The following LAMA1 variants were observed in gnomAD, a reference collection of about 807,000 sequenced individuals.
The protein encoded by LAMA1 is laminin subunit alpha-1.
In LAMA1, 219 loss-of-function variants were observed where a neutral mutation model predicts 348.7. The observed-to-expected ratio is 0.63, with a 90% CI of 0.56 to 0.70. The LOEUF is 0.70. Ranked by LOEUF, LAMA1 falls within the 30% of genes least tolerant of loss-of-function variation. The pLI, the probability that LAMA1 is intolerant of heterozygous loss-of-function variation, is 0.00. For missense variants in LAMA1, 3,744 were observed against 3,888.0 expected, an observed-to-expected ratio of 0.96 and a Z score of 0.99; for synonymous variants, 1,487 against 1,491.0, an observed-to-expected ratio of 1.00 and a Z score of 0.06.
chr18:6,991,348 C>A (rs867916525), intron 36 of LAMA1, among the ~76,000 whole-genome samples: 96 of 150,278 alleles, frequency 6.4e-4, no homozygotes, highest in Middle Eastern at 6.9e-3. Context: ...TAGGAATCCT[C>A]AAAACACAAA....
At chr18:7,035,732 T>C (rs1199708985) in intron 13 of LAMA1, among the ~76,000 whole-genome samples, 1 of 152,136 alleles carries the variant, frequency 6.6e-6, no homozygotes, top group African/African-American at 2.4e-5. Context: ...TCTTTTTAAA[T>C]GTGAAAAGAT....
At chr18:7,003,462 G>A (rs941924690) in intron 29 of LAMA1, among the ~76,000 whole-genome samples, 2 of 152,074 alleles carry the variant, frequency 1.3e-5, no homozygotes, top group Non-Finnish European at 1.5e-5. Flanking sequence ...ATTTCACTGT[G>A]TTAGCCAGGA....
intron 36 of LAMA1, among the ~76,000 whole-genome samples, chr18:6,989,787 G>A (rs1600376094): frequency 6.6e-6 from 1 of 152,296 alleles, no homozygotes; most frequent in Middle Eastern, 3.4e-3. Flanking sequence ...CACTCTGGAG[G>A]CAGTGCCCCA....
chr18:7,049,910 G>C (rs143189314), intron 4 of LAMA1, among the ~76,000 whole-genome samples: 12 of 152,292 alleles, frequency 7.9e-5, no homozygotes, highest in African/African-American at 2.9e-4. Context: ...TGTGGAACCA[G>C]ACTACAATGT....
intron 16 of LAMA1, among the ~76,000 whole-genome samples, chr18:7,029,298 T>C (rs1257303759): frequency 6.6e-6 from 1 of 152,208 alleles, no homozygotes; most frequent in African/African-American, 2.4e-5. Flanking sequence ...AACAGAGTCT[T>C]AGACCCTTTT....
intron 1 of LAMA1, among the ~76,000 whole-genome samples, chr18:7,100,494 C>G (rs972193119): frequency 1.3e-5 from 2 of 152,126 alleles, no homozygotes; most frequent in African/African-American, 4.8e-5. Flanking sequence ...GAAATGAAAC[C>G]TATATCTAAA....
intron 16 of LAMA1, among the ~76,000 whole-genome samples, chr18:7,030,641 T>C (rs553173740): frequency 6.6e-6 from 1 of 152,310 alleles, no homozygotes; most frequent in African/African-American, 2.4e-5. Context: ...CTAAAATTAT[T>C]TCCAAAACAT....
rs1309719343 is a variant in LAMA1 at position 7,039,776 on chromosome 18, C to T, written c.1422+300G>A. Among the ~76,000 whole-genome samples, 6 of 152,202 alleles carry T rather than the reference C, an allele frequency of 3.9e-5. No individual in the cohort carries two copies. The East Asian group carries it at 7.7e-4, about 20-fold the overall frequency. On this transcript the variant is annotated intron_variant, in intron 10 of 62. Coordinates refer to ENST00000389658, the MANE Select transcript of LAMA1 (RefSeq NM_005559.4). ...TTAAAGAAAGAAAACAGAGATGAGG[C>T]CCACAGAGGAGGTGGGAATATAAAG...
chr18:7,017,857 C>A (rs1043016737), intron 19 of LAMA1, among the ~76,000 whole-genome samples: 1 of 151,868 alleles, frequency 6.6e-6, no homozygotes, highest in Non-Finnish European at 1.5e-5. Context: ...AATATGATAT[C>A]CCAGTTCTAA....
intron 62 of LAMA1, among the ~76,000 whole-genome samples, 197 bp downstream of exon 62, chr18:6,942,983 A>G (rs548429698): frequency 6.6e-6 from 1 of 152,212 alleles, no homozygotes; most frequent in South Asian, 2.1e-4. Context: ...GTCTTACCCA[A>G]TGATTAACTT....
At position 7,018,181 on chromosome 18, in the gene LAMA1, CA is replaced by C. The variant is rs546531758; in HGVS notation, c.2702-798del. 6.2e-3 allele frequency among the ~76,000 whole-genome samples: 944 copies of C among 151,222 alleles called. 5 individuals are homozygous for C. The highest frequency in any genetic ancestry group is 0.021 in the South Asian group (98 of 4,750). ...TGAAACCCCATCTCTACTAAAAATA[CA>C]AAAATTAGCCAGGCGTGGTGGCACG... On this transcript the variant is annotated intron_variant, in intron 19 of 62. Transcript: ENST00000389658.
At chr18:7,116,991 A>G (rs887448904) in intron 1 of LAMA1, among the ~76,000 whole-genome samples, 1 of 151,858 alleles carries the variant, frequency 6.6e-6, no homozygotes, top group Non-Finnish European at 1.5e-5. Flanking sequence ...GCAGTGAATG[A>G]GCGGGTTTGG....
chr18:7,104,493 G>C (rs1046399604), intron 1 of LAMA1, among the ~76,000 whole-genome samples: 1 of 152,190 alleles, frequency 6.6e-6, no homozygotes, highest in African/African-American at 2.4e-5. Context: ...GAAACAATAA[G>C]AAGGATGACA....
At chr18:6,972,021 C>T in intron 47 of LAMA1, 40 bp from the exon 48 acceptor site, 1 of 1,610,558 alleles carries the variant, frequency 6.2e-7, no homozygotes, top group Non-Finnish European at 8.5e-7. Flanking sequence ...AATATATAAG[C>T]TGACCAAGCA....
chr18:7,072,027 C>T (rs547712992), intron 3 of LAMA1, among the ~76,000 whole-genome samples: 1 of 152,160 alleles, frequency 6.6e-6, no homozygotes, highest in African/African-American at 2.4e-5. Flanking sequence ...GATCAATTAG[C>T]GATTGTTACA....
intron 25 of LAMA1, 129 bp downstream of exon 25, chr18:7,011,171 T>C: frequency 2.0e-6 from 2 of 1,023,940 alleles, no homozygotes; most frequent in Non-Finnish European, 3.0e-6. Flanking sequence ...ACTTCTCTGA[T>C]CCCACTTAAA....
At chr18:6,997,223 C>G (rs1287615890) in intron 33 of LAMA1, among the ~76,000 whole-genome samples, 4 of 152,120 alleles carry the variant, frequency 2.6e-5, no homozygotes, top group African/African-American at 9.7e-5. Flanking sequence ...GCCACCACAT[C>G]CAGCTAATTT....
In LAMA1 at chr18:6,947,260, A is replaced by G; in HGVS notation, c.8747T>C (p.Ile2916Thr). 6.2e-7 allele frequency: 1 copy of G among 1,614,086 alleles called. No homozygotes were observed. Among genetic ancestry groups the G allele is most frequent in the Non-Finnish European group, 8.5e-7 (1 of 1,180,038 alleles). Residue 2916 changes from isoleucine (I) to threonine (T), a missense_variant, in exon 61 of 63, where the codon ATC becomes ACC. Physicochemically the swap from Ile to Thr is moderately conservative, Grantham distance 89. This residue lies in a region of LAMA1 where 232 missense variants were observed against 264.4 expected (regional missense o/e 0.88). Coordinates refer to ENST00000389658, the MANE Select transcript of LAMA1 (RefSeq NM_005559.4). Reference protein sequence around the residue: ...EGYKVQSDVNITLEFRTSSQN... With the variant: ...EGYKVQSDVNTTLEFRTSSQN... ...CGAGGAGGTTCGAAACTCCAGTGTGATGTTCACATCTGACTGGACTTTGTA... is the reference window on the plus strand; with the variant it reads ...CGAGGAGGTTCGAAACTCCAGTGTGGTGTTCACATCTGACTGGACTTTGTA...
In LAMA1 at chr18:6,966,249, A is replaced by G; in HGVS notation, c.6948T>C (p.Ser2316=). The change falls in exon 49 of 63, where the codon TCT becomes TCC. Residue 2316 remains serine, a synonymous_variant. Transcript: ENST00000389658. The stretch of plus-strand genomic sequence containing the variant: ...TAGCCGGAAGTGACTTCTCCACGAC[A>G]GAGTACCCACTCCCGTCAAAATGGA... The part of the protein sequence containing the change: ...PSFHFDGSGY[S]VVEKSLPATV... The G allele has an allele frequency of 6.2e-7, 1 of 1,614,026 alleles. No homozygotes were observed. The highest frequency in any genetic ancestry group is 8.5e-7 in the Non-Finnish European group (1 of 1,179,972).
Sources: allele counts gnomAD v4.1 joint callset (sites outside exome capture counted in the v4.1 genomes callset), GRCh38; gene constraint gnomAD v4.1.1; regional missense constraint gnomAD v4.1.1; transcripts MANE v1.5; gene names NCBI Gene and HGNC (gene_info 2026-07-23, HGNC 2026-07-21).